DAB1: variants seen among roughly 807,000 people sequenced by gnomAD.
DAB1 encodes DAB adaptor protein 1, also known as disabled homolog 1.
A neutral mutation model predicts 64.6 loss-of-function variants in DAB1; 15 were observed. The ratio of observed to expected loss-of-function variants is 0.23; its 90% confidence interval spans 0.16 to 0.36. DAB1 has a LOEUF of 0.36. Among genes scored for constraint, DAB1 ranks in the 10% least tolerant of loss-of-function variants. The pLI is 1.00. For synonymous variants in DAB1, 235 were observed against 251.9 expected (o/e 0.93, Z 0.64); for missense variants, 596 against 706.7 (o/e 0.84, Z 1.78).
intron 5 of DAB1, among the ~76,000 whole-genome samples, chr1:58,039,266 A>G (rs1570263511): frequency 2.0e-5 from 3 of 151,958 alleles, no homozygotes; most frequent in Admixed American, 2.0e-4. Context: ...TTGCCCCTAT[A>G]CCTGAGCCAG....
intron 5 of DAB1, among the ~76,000 whole-genome samples, chr1:57,908,994 G>T (rs569270814): frequency 6.6e-6 from 1 of 152,180 alleles, no homozygotes; most frequent in South Asian, 2.1e-4. Context: ...CCTATTTTAC[G>T]TGATACAGAG....
chr1:58,139,298 T>C (rs1400761049), intron 5 of DAB1, among the ~76,000 whole-genome samples: 3 of 152,172 alleles, frequency 2.0e-5, no homozygotes, highest in Admixed American at 6.6e-5. Flanking sequence ...ACTGTATTCG[T>C]CCATTCTCAT....
At chr1:58,255,673 G>A (rs947215984) in intron 4 of DAB1, among the ~76,000 whole-genome samples, 30 of 152,194 alleles carry the variant, frequency 2.0e-4, no homozygotes, top group African/African-American at 7.2e-4. Context: ...GACACAGAAT[G>A]AATCTTGTGG....
chr1:58,172,455 G>C (rs1656228623), intron 4 of DAB1, among the ~76,000 whole-genome samples: 1 of 152,218 alleles, frequency 6.6e-6, no homozygotes, highest in South Asian at 2.1e-4. Flanking sequence ...GTCAAAGGAA[G>C]TTTATGGCTA....
intron 6 of DAB1, among the ~76,000 whole-genome samples, chr1:57,714,033 A>G (rs1316897152): frequency 1.3e-5 from 2 of 152,172 alleles, no homozygotes; most frequent in Non-Finnish European, 1.5e-5. Context: ...TGATACAACT[A>G]CATTCCAGCC....
intron 1 of DAB1, chr1:58,538,795 C>A: frequency 1.3e-6 from 1 of 755,526 alleles, no homozygotes; most frequent in South Asian, 1.8e-5. Flanking sequence ...AGCATTTTAC[C>A]TGCCTACAAT....
intron 2 of DAB1, among the ~76,000 whole-genome samples, chr1:57,178,214 C>T (rs1299623191): frequency 6.6e-6 from 1 of 151,076 alleles, no homozygotes; most frequent in Non-Finnish European, 1.5e-5. Context: ...ATATAGATAC[C>T]CTACTTAAAG....
At chr1:57,986,186 T>C (rs1263845576) in intron 5 of DAB1, among the ~76,000 whole-genome samples, 1 of 152,106 alleles carries the variant, frequency 6.6e-6, no homozygotes, top group Non-Finnish European at 1.5e-5. Context: ...TAGCCTTGAC[T>C]CTCACTGCTA....
intron 5 of DAB1, among the ~76,000 whole-genome samples, chr1:57,975,016 C>T (rs1160974108): frequency 1.3e-5 from 2 of 152,038 alleles, no homozygotes; most frequent in Non-Finnish European, 2.9e-5. Context: ...TTTGTATTCC[C>T]CTCAAATTCA....
At chr1:58,164,755 A>T (rs1211951119) in intron 4 of DAB1, among the ~76,000 whole-genome samples, 1 of 152,156 alleles carries the variant, frequency 6.6e-6, no homozygotes, top group Non-Finnish European at 1.5e-5. Flanking sequence ...TAAAACAAAA[A>T]GGAAGAGTCC....
In DAB1 at chr1:58,538,772, T is replaced by C. The variant is rs180928906; in HGVS notation, n.32+7931A>G. ...AATGCAAAAAGTTAATATAAAAGTT[T>C]TTATTCTAAAAAAGCATTTTACCTG... is the stretch of plus-strand genomic sequence containing the variant. On this transcript the variant is annotated intron_variant and non_coding_transcript_variant, in intron 1 of 20. Transcript: ENST00000485760. 6.3e-4 allele frequency: 460 copies of C among 730,154 alleles called. 1 individual carries two copies. Among genetic ancestry groups the C allele is most frequent in the Non-Finnish European group, 9.0e-4 (389 of 433,842 alleles). The allele number at this position is 730,154 out of a possible 1,614,324, so 45.2% of individuals were successfully genotyped here.
At chr1:57,182,950 A>G (rs1184734766) in intron 2 of DAB1, among the ~76,000 whole-genome samples, 1 of 152,156 alleles carries the variant, frequency 6.6e-6, no homozygotes, top group Non-Finnish European at 1.5e-5. Flanking sequence ...GTTCAGTCAC[A>G]CCAGCCTCAT....
At chr1:58,445,127 C>T (rs554162688) in intron 3 of DAB1, among the ~76,000 whole-genome samples, 2 of 152,230 alleles carry the variant, frequency 1.3e-5, no homozygotes, top group Admixed American at 1.3e-4. Context: ...AATTGGTCAC[C>T]CTACCTTGGC....
intron 6 of DAB1, among the ~76,000 whole-genome samples, chr1:57,719,568 C>T (rs1301705690): frequency 5.9e-5 from 9 of 152,198 alleles, no homozygotes; most frequent in African/African-American, 2.2e-4. Context: ...ATGCTGTTCT[C>T]CTGATAGTGA....
chr1:57,014,987 A>C lies in DAB1; in HGVS notation c.1340T>G (p.Phe447Cys). ...TCTSEAFSSY[F>C]NKVGVAQDTD... Reference sequence around the variant, plus strand: ...ATCCTGTGCCACCCCGACTTTGTTGAAGTAACTGGAGAAGGCCTCTGAGGT... The same window carrying C: ...ATCCTGTGCCACCCCGACTTTGTTGCAGTAACTGGAGAAGGCCTCTGAGGT... The change falls in exon 12 of 15, where the codon TTC becomes TGC. Residue 447 changes from phenylalanine (F) to cysteine (C), a missense_variant. Coordinates refer to ENST00000371236, the MANE Select transcript of DAB1 (RefSeq NM_001365792.1). The C allele has an allele frequency of 3.7e-6, 6 of 1,614,122 alleles. No individual in the cohort carries two copies. The highest frequency in any genetic ancestry group is 5.1e-6 in the Non-Finnish European group (6 of 1,180,020).
intron 7 of DAB1, among the ~76,000 whole-genome samples, chr1:57,527,904 G>C (rs1412741927): frequency 6.6e-6 from 1 of 152,056 alleles, no homozygotes; most frequent in Non-Finnish European, 1.5e-5. Context: ...TAGTTTTCTT[G>C]TCCCAGAATT....
rs1042112766 is a variant in DAB1, at chr1:57,145,533, G to A, written c.68-104C>T. ...GCTGTCTGGTTTCATCTACATTCCC[G>A]GAAAGTCAAATCACTGGACTCAGGA... On this transcript the variant is annotated intron_variant, in intron 2 of 14. Transcript: ENST00000371236. 171 of 1,240,616 alleles carry A rather than the reference G, an allele frequency of 1.4e-4. 1 individual carries two copies. In the African/African-American group the frequency reaches 1.8e-3, roughly 13 times the overall value. 76.9% of individuals were successfully genotyped at this position (1,240,616 alleles called of 1,614,324 possible).
intron 2 of DAB1, among the ~76,000 whole-genome samples, chr1:57,174,626 TG>T (rs1662110390): frequency 6.6e-6 from 1 of 152,180 alleles, no homozygotes; most frequent in African/African-American, 2.4e-5. Context: ...TTTACTGCCT[TG>T]AGTCCTCTGA....
Position 57,014,996 on chromosome 1 carries a change from G to A in DAB1, c.1331C>T (p.Ser444Phe). ...PSLTCTSEAF[S>F]SYFNKVGVAQ... is the part of the protein sequence containing the mutation. ...CACCCCGACTTTGTTGAAGTAACTGGAGAAGGCCTCTGAGGTACAGGTGAG... is the reference window on the plus strand; with the variant it reads ...CACCCCGACTTTGTTGAAGTAACTGAAGAAGGCCTCTGAGGTACAGGTGAG... Residue 444 changes from serine (S) to phenylalanine (F), a missense_variant, in exon 12 of 15, where the codon TCC becomes TTC. Coordinates refer to ENST00000371236, the MANE Select transcript of DAB1 (RefSeq NM_001365792.1). 1 of 1,614,182 alleles carries A rather than the reference G, an allele frequency of 6.2e-7. No homozygotes were observed. The highest frequency in any genetic ancestry group is 8.5e-7 in the Non-Finnish European group (1 of 1,180,040).
Sources: gnomAD v4.1 joint callset for allele counts (sites outside exome capture counted in the v4.1 genomes callset) on GRCh38, gnomAD v4.1.1 for gene constraint, MANE v1.5 for transcripts, NCBI Gene and HGNC (gene_info 2026-07-23, HGNC 2026-07-21) for gene names.